The following NLGN1 variants were observed in gnomAD, a reference collection of about 807,000 sequenced individuals.
The protein encoded by NLGN1 is neuroligin 1.
A neutral mutation model predicts 65.5 loss-of-function variants in NLGN1; 12 were observed. The ratio of observed to expected loss-of-function variants is 0.18; its 90% CI spans 0.12 to 0.30. NLGN1 has a LOEUF of 0.30. Ranked by LOEUF, NLGN1 falls within the 10% of genes least tolerant of loss-of-function variation. The probability of loss-of-function intolerance (pLI) is 1.00; values close to 1 mark genes in which losing one functional copy is unlikely to be tolerated. For missense variants in NLGN1, 750 were observed against 1,007.1 expected, an observed-to-expected ratio of 0.74 and a Z score of 3.46; for synonymous variants, 350 against 359.5, an observed-to-expected ratio of 0.97 and a Z score of 0.30.
At chr3:174,044,998 A>G (rs1733239217) in intron 4 of NLGN1, among the ~76,000 whole-genome samples, 1 of 152,082 alleles carries the variant, frequency 6.6e-6, no homozygotes, top group Admixed American at 6.6e-5. Flanking sequence ...GCCAGGCAGA[A>G]TTGTGAGTCA....
At chr3:173,674,958 T>C (rs1282931463) in intron 3 of NLGN1, among the ~76,000 whole-genome samples, 4 of 152,084 alleles carry the variant, frequency 2.6e-5, no homozygotes, top group Non-Finnish European at 5.9e-5. Flanking sequence ...TTCTGTATGA[T>C]AAGATTATTT....
At chr3:173,653,236 T>A (rs1249258348) in intron 3 of NLGN1, among the ~76,000 whole-genome samples, 1 of 152,204 alleles carries the variant, frequency 6.6e-6, no homozygotes, top group Non-Finnish European at 1.5e-5. Flanking sequence ...TTTTATTTAT[T>A]TCTCTTTCCT....
At chr3:174,129,460 C>T (rs1719703943) in intron 4 of NLGN1, among the ~76,000 whole-genome samples, 1 of 149,788 alleles carries the variant, frequency 6.7e-6, no homozygotes, top group South Asian at 2.2e-4. Flanking sequence ...AAAAAATTTA[C>T]AATCACAATC....
At chr3:173,847,226 A>T (rs1725962094) in intron 4 of NLGN1, among the ~76,000 whole-genome samples, 1 of 152,176 alleles carries the variant, frequency 6.6e-6, no homozygotes, top group Non-Finnish European at 1.5e-5. Flanking sequence ...TGCAATGAGA[A>T]GCTTGTTTAA....
chr3:174,261,911 C>G (rs1442263119), intron 4 of NLGN1, among the ~76,000 whole-genome samples: 1 of 146,818 alleles, frequency 6.8e-6, no homozygotes, highest in Non-Finnish European at 1.5e-5. Flanking sequence ...TGAATTTTGT[C>G]AAAGGCTTTT....
chr3:173,465,946 G>A (rs888330900), intron 2 of NLGN1, among the ~76,000 whole-genome samples: 20 of 152,246 alleles, frequency 1.3e-4, no homozygotes, highest in Non-Finnish European at 2.8e-4. Context: ...GTTGATACGG[G>A]AGCTAGATTA....
intron 4 of NLGN1, among the ~76,000 whole-genome samples, chr3:174,077,316 T>C (rs2152543280): frequency 6.6e-6 from 1 of 152,276 alleles, no homozygotes; most frequent in Non-Finnish European, 1.5e-5. Flanking sequence ...CTAGATACCC[T>C]GACTAATTTT....
intron 4 of NLGN1, among the ~76,000 whole-genome samples, chr3:173,898,792 C>T (rs1471696691): frequency 6.6e-6 from 1 of 152,110 alleles, no homozygotes; most frequent in East Asian, 1.9e-4. Flanking sequence ...AATGGAGTAT[C>T]AGCCACAGGA....
At chr3:173,738,948 TTGCAGA>T (rs1774193217) in intron 3 of NLGN1, among the ~76,000 whole-genome samples, 1 of 152,024 alleles carries the variant, frequency 6.6e-6, no homozygotes, top group Non-Finnish European at 1.5e-5. Flanking sequence ...TGAAACCCCC[TTGCAGA>T]TTAAAAGGAG....
At chr3:173,616,318 A>T (rs982608103) in intron 3 of NLGN1, among the ~76,000 whole-genome samples, 1 of 152,068 alleles carries the variant, frequency 6.6e-6, no homozygotes, top group African/African-American at 2.4e-5. Flanking sequence ...GATTTTAGAA[A>T]CACTATCTGC....
At chr3:174,144,575 C>T (rs1722864135) in intron 4 of NLGN1, among the ~76,000 whole-genome samples, 1 of 152,132 alleles carries the variant, frequency 6.6e-6, no homozygotes, top group South Asian at 2.1e-4. Flanking sequence ...TCTCCAGCAT[C>T]CTTTGTTTCC....
chr3:173,594,909 G>T (rs1011429500), intron 2 of NLGN1, among the ~76,000 whole-genome samples: 1 of 152,116 alleles, frequency 6.6e-6, no homozygotes, highest in Non-Finnish European at 1.5e-5. Context: ...TTTTAGTCAC[G>T]GCTGGAGCAG....
intron 2 of NLGN1, among the ~76,000 whole-genome samples, chr3:173,561,346 T>G (rs1742697447): frequency 6.6e-6 from 1 of 152,200 alleles, no homozygotes. Context: ...GTTGTGATGT[T>G]GACTTCTAGC....
chr3:173,431,488 A>G (rs1717152050), intron 1 of NLGN1, among the ~76,000 whole-genome samples: 1 of 152,180 alleles, frequency 6.6e-6, no homozygotes. Flanking sequence ...TGATGAAATC[A>G]GTATCTGTGA....
intron 3 of NLGN1, among the ~76,000 whole-genome samples, chr3:173,807,383 G>A (rs1278873697): frequency 6.6e-6 from 1 of 152,046 alleles, no homozygotes. Context: ...TGCGTTTACT[G>A]TCACTTGAGG....
chr3:173,858,591 T>C (rs980708172), intron 4 of NLGN1, among the ~76,000 whole-genome samples: 4 of 152,122 alleles, frequency 2.6e-5, no homozygotes, highest in African/African-American at 9.7e-5. Flanking sequence ...ATTTCTATCC[T>C]TGCTTATCCC....
chr3:174,082,942 G>C (rs1742537826), intron 4 of NLGN1, among the ~76,000 whole-genome samples: 1 of 152,116 alleles, frequency 6.6e-6, no homozygotes, highest in South Asian at 2.1e-4. Flanking sequence ...GGCCAGGCTG[G>C]TCTTGAACTC....
chr3:174,093,573 A>C (rs899073937), intron 4 of NLGN1, among the ~76,000 whole-genome samples: 2 of 152,214 alleles, frequency 1.3e-5, no homozygotes, highest in African/African-American at 4.8e-5. Context: ...GCTAATGCCT[A>C]GCAATAGGTT....
intron 2 of NLGN1, among the ~76,000 whole-genome samples, chr3:173,580,923 A>G (rs1018044825): frequency 3.3e-5 from 5 of 151,944 alleles, no homozygotes; most frequent in East Asian, 1.9e-4. Flanking sequence ...CAACTCTCCT[A>G]TGATATACTT....
Sources: allele counts gnomAD v4.1 joint callset (sites outside exome capture counted in the v4.1 genomes callset), GRCh38; gene constraint gnomAD v4.1.1; transcripts MANE v1.5; gene names NCBI Gene and HGNC (gene_info 2026-07-23, HGNC 2026-07-21).